DENND3: variants seen among roughly 807,000 people sequenced by gnomAD.
The protein encoded by DENND3 is DENN domain containing 3.
A neutral mutation model predicts 135.1 loss-of-function variants in DENND3; 88 were observed. The ratio of observed to expected loss-of-function variants is 0.65; its 90% CI spans 0.55 to 0.78. The LOEUF (loss-of-function observed/expected upper bound fraction) is 0.78, where lower values mean the gene tolerates loss of function less well. Ranked by LOEUF, DENND3 falls within the 30% of genes least tolerant of loss-of-function variation. DENND3 has a pLI of 0.00. For synonymous variants in DENND3, 693 were observed against 712.3 expected (o/e 0.97, Z 0.43); for missense variants, 1,392 against 1,688.4 (o/e 0.82, Z 3.08).
intron 1 of DENND3, among the ~76,000 whole-genome samples, chr8:141,133,681 T>C (rs1215932188): frequency 6.6e-6 from 1 of 151,922 alleles, no homozygotes; most frequent in Non-Finnish European, 1.5e-5. Context: ...CCAGGACCAG[T>C]GGCTGAGGTG....
intron 15 of DENND3, 95 bp downstream of exon 15, chr8:141,176,856 T>G: frequency 7.0e-7 from 1 of 1,422,156 alleles, no homozygotes; most frequent in Non-Finnish European, 9.7e-7. Flanking sequence ...CTGTGAGTGC[T>G]CGGGCTCGGG....
At chr8:141,180,031 C>G (rs927102678) in intron 16 of DENND3, among the ~76,000 whole-genome samples, 1 of 152,130 alleles carries the variant, frequency 6.6e-6, no homozygotes, top group Non-Finnish European at 1.5e-5. Flanking sequence ...GGCCTCCAGG[C>G]AGGAGGCCGC....
At chr8:141,192,178 T>C (rs1824840109) in intron 20 of DENND3, 153 bp from the exon 21 acceptor site, 2 of 995,704 alleles carry the variant, frequency 2.0e-6, no homozygotes, top group African/African-American at 1.6e-5. Flanking sequence ...TTTTTCCCAG[T>C]AGACCTCACC....
chr8:141,181,131 C>T (rs543551964), intron 17 of DENND3, among the ~76,000 whole-genome samples: 1 of 152,342 alleles, frequency 6.6e-6, no homozygotes, highest in South Asian at 2.1e-4. Context: ...GCTGCCGTCC[C>T]TCACCTTCTA....
At position 141,145,828 on chromosome 8, in the gene DENND3, TATATATATATATATATA is replaced by T. The variant is rs1569555457; in HGVS notation, c.735+1570_735+1586del. Reference sequence around the variant, plus strand: ...TTATATATATATATATATATATATATATATATATATATATATATATATGTATTTTTTTTTTTTTGAGG... The same window carrying T: ...TTATATATATATATATATATATATATTATATGTATTTTTTTTTTTTTGAGG... On this transcript the variant is annotated intron_variant, in intron 5 of 22. Transcript: ENST00000519811. Among the ~76,000 whole-genome samples the T allele has an allele frequency of 6.6e-3, 597 of 90,678 alleles. 40 individuals carry two copies. Among genetic ancestry groups the T allele is most frequent in the African/African-American group, 0.036 (567 of 15,704 alleles). 59.5% of individuals were successfully genotyped at this position (90,678 alleles called of 152,430 possible).
chr8:141,169,636 G>C (rs1004391480), intron 13 of DENND3, among the ~76,000 whole-genome samples: 10 of 152,182 alleles, frequency 6.6e-5, no homozygotes, highest in African/African-American at 2.4e-4. Context: ...GGGAGCCACT[G>C]TCCGAAGCTG....
chr8:141,139,938 C>T lies in DENND3; in HGVS notation c.502-1265C>T, dbSNP rs1323302028. On this transcript the variant is annotated intron_variant, in intron 3 of 22. Transcript: ENST00000519811. This position sits in a 1 kb window ranked among gnomAD's most constrained non-coding sequence, Gnocchi z 4.2. The stretch of plus-strand genomic sequence containing the variant: ...TTCTTTTTTTTTTTTGAGACAGTCT[C>T]GCTGTGTCACCCAGGCTTTAGTGCA... Among the ~76,000 whole-genome samples, 3 of 150,974 alleles carry T rather than the reference C, an allele frequency of 2.0e-5. No individual in the cohort carries two copies. The highest frequency in any genetic ancestry group is 1.3e-4 in the Admixed American group (2 of 15,190).
In DENND3 at chr8:141,137,647, G is replaced by A. The variant is rs1406051660; in HGVS notation, c.386-375G>A. ...GCGTTATTTTTCCTGTGGTCTTCAG[G>A]AATGTTAAAATGGCCGAGGTAGGAA... On this transcript the variant is annotated intron_variant, in intron 2 of 22. Transcript: ENST00000519811. This position sits in a 1 kb window ranked among gnomAD's most constrained non-coding sequence, Gnocchi z 4.1. Among the ~76,000 whole-genome samples the A allele has an allele frequency of 6.6e-6, 1 of 152,174 alleles. No individual in the cohort carries two copies. Among genetic ancestry groups the A allele is most frequent in the Non-Finnish European group, 1.5e-5 (1 of 68,032 alleles).
rs1290102244 is a variant in DENND3, at chr8:141,144,198, T to G, written c.674T>G (p.Ile225Arg). Residue 225 changes from isoleucine (I) to arginine (R), a missense_variant, in exon 5 of 23, where the codon ATA becomes AGA. Physicochemically the swap from Ile to Arg is moderately conservative, Grantham distance 97 (BLOSUM62 -3). Coordinates refer to ENST00000519811, the MANE Select transcript of DENND3 (RefSeq NM_001352890.3). This position sits in a 1 kb window ranked among gnomAD's most constrained non-coding sequence, Gnocchi z 4.4. Reference protein sequence around the residue: ...PCKDFEVDSHIKDFAAKLSLI... With the variant: ...PCKDFEVDSHRKDFAAKLSLI... ...AAAGATTTTGAAGTGGACAGTCATA[T>G]AAAAGATTTCGCTGCGAAGCTGTCT... 1 of 1,613,936 alleles carries G rather than the reference T, an allele frequency of 6.2e-7. No individual in the cohort carries two copies. The highest frequency in any genetic ancestry group is 1.3e-5 in the African/African-American group (1 of 74,912).
chr8:141,171,223 G>T (rs1821512083), intron 13 of DENND3, among the ~76,000 whole-genome samples: 2 of 152,164 alleles, frequency 1.3e-5, no homozygotes, highest in Non-Finnish European at 2.9e-5. Flanking sequence ...AACAAGGTTT[G>T]GTCAGAGCTC....
intron 18 of DENND3, among the ~76,000 whole-genome samples, chr8:141,186,048 TC>T (rs1823852421): frequency 6.6e-6 from 1 of 151,572 alleles, no homozygotes; most frequent in African/African-American, 2.4e-5. Flanking sequence ...GCTCAAGGGA[TC>T]CACCTCGGTC....
chr8:141,140,829 C>A (rs1044760606), intron 3 of DENND3, among the ~76,000 whole-genome samples: 1 of 152,228 alleles, frequency 6.6e-6, no homozygotes, highest in African/African-American at 2.4e-5. Flanking sequence ...CCTGCTCCGT[C>A]CTCCTGGGCA....
chr8:141,140,219 G>C (rs1388370054), intron 3 of DENND3, among the ~76,000 whole-genome samples: 3 of 152,118 alleles, frequency 2.0e-5, no homozygotes, highest in African/African-American at 7.2e-5. Flanking sequence ...TCGTTCTATT[G>C]ATAACACAGC....
rs912659286 is a variant in DENND3 at position 141,174,009 on chromosome 8, G to A, written c.2276-1191G>A. Among the ~76,000 whole-genome samples, 1 of 152,224 alleles carries A rather than the reference G, an allele frequency of 6.6e-6. No individual in the cohort carries two copies. The highest frequency in any genetic ancestry group is 1.5e-5 in the Non-Finnish European group (1 of 68,038). On this transcript the variant is annotated intron_variant, in intron 13 of 22. Transcript: ENST00000519811. The surrounding 1 kb of genome is among the most constrained non-coding windows in gnomAD (Gnocchi z 4.6). The stretch of plus-strand genomic sequence containing the variant: ...CAGGTGTGCAGCTCAGCAGTGGCCT[G>A]GCCAGGATGTCTCTGCCTTATCGGG...
In DENND3 at chr8:141,174,654, T is replaced by G. The variant is rs1352917463; in HGVS notation, c.2276-546T>G. Reference sequence around the variant, plus strand: ...CTGCTTCTCATCAGCGGAGGTGATTTCAGTTGCAGACAACAAAAGTCAATG... The same window carrying G: ...CTGCTTCTCATCAGCGGAGGTGATTGCAGTTGCAGACAACAAAAGTCAATG... On this transcript the variant is annotated intron_variant, in intron 13 of 22. Coordinates refer to ENST00000519811, the MANE Select transcript of DENND3 (RefSeq NM_001352890.3). This position sits in a 1 kb window ranked among gnomAD's most constrained non-coding sequence, Gnocchi z 4.6. Among the ~76,000 whole-genome samples, 2 of 152,126 alleles carry G rather than the reference T, an allele frequency of 1.3e-5. No homozygotes were observed. The highest frequency in any genetic ancestry group is 1.5e-5 in the Non-Finnish European group (1 of 68,008).
chr8:141,180,504 T>C (rs988974640), intron 16 of DENND3, among the ~76,000 whole-genome samples: 1 of 152,076 alleles, frequency 6.6e-6, no homozygotes, highest in South Asian at 2.1e-4. Context: ...GGAGGTGTGG[T>C]GTGGACACAG....
At chr8:141,162,528 C>T (rs927175373) in intron 9 of DENND3, among the ~76,000 whole-genome samples, 4 of 152,166 alleles carry the variant, frequency 2.6e-5, no homozygotes, top group South Asian at 4.1e-4. Flanking sequence ...GAACACATTA[C>T]GTACTAAGTA....
intron 3 of DENND3, among the ~76,000 whole-genome samples, chr8:141,140,247 A>C (rs534762558): frequency 6.6e-6 from 1 of 150,652 alleles, no homozygotes; most frequent in East Asian, 2.0e-4. Context: ...CCTCTCATAC[A>C]CTCTCCTCTG....
rs200349343 is a variant in DENND3 at position 141,180,873 on chromosome 8, C to T, written c.2944+19C>T. Reference sequence around the variant, plus strand: ...ACTCCAGGTAAGGCCCCTCTGCCCGCGCCTCGCTGCCAGTTTTCAGCCAAT... The same window carrying T: ...ACTCCAGGTAAGGCCCCTCTGCCCGTGCCTCGCTGCCAGTTTTCAGCCAAT... On this transcript the variant is annotated intron_variant, in intron 17 of 22. Coordinates refer to ENST00000519811, the MANE Select transcript of DENND3 (RefSeq NM_001352890.3). 2.2e-4 allele frequency: 344 copies of T among 1,595,316 alleles called. No individual in the cohort carries two copies. The African/African-American group carries it at 3.3e-3, about 15-fold the overall frequency.
Sources: allele counts gnomAD v4.1 joint callset (sites outside exome capture counted in the v4.1 genomes callset), GRCh38; gene constraint gnomAD v4.1.1; non-coding constraint Gnocchi (gnomAD v3.1); transcripts MANE v1.5; gene names NCBI Gene and HGNC (gene_info 2026-07-23, HGNC 2026-07-21).